The following HSD17B12 variants were observed in gnomAD, a reference collection of about 807,000 sequenced individuals.
The protein encoded by HSD17B12 is very-long-chain 3-oxoacyl-CoA reductase.
Under a neutral mutation model 39.3 loss-of-function variants are expected in HSD17B12, and 32 were observed. The ratio of observed to expected loss-of-function variants is 0.81; its 90% confidence interval spans 0.61 to 1.09. The LOEUF (loss-of-function observed/expected upper bound fraction) is 1.09. HSD17B12 is among the 50% of genes least tolerant of loss of function. The pLI, the probability that HSD17B12 is intolerant of heterozygous loss-of-function variation, is 0.00. For missense variants in HSD17B12, 342 were observed against 382.9 expected (o/e 0.89, Z 0.89); for synonymous variants, 150 against 146.7 (o/e 1.02, Z -0.16).
chr11:43,631,591 GTCTCTC>G, the HSD17B12 span, among the ~76,000 whole-genome samples: 244 of 138,974 alleles, frequency 1.8e-3, 2 homozygotes, highest in Non-Finnish European at 3.1e-3. Flanking sequence ...CTCTCTCTCT[GTCTCTC>G]TCTCTCTCTC....
chr11:43,623,842 G>C, the HSD17B12 span, among the ~76,000 whole-genome samples: 1 of 151,936 alleles, frequency 6.6e-6, no homozygotes, highest in Middle Eastern at 3.2e-3. Flanking sequence ...AATGTCACAA[G>C]ATTTCTGGAA....
the HSD17B12 span, among the ~76,000 whole-genome samples, chr11:43,642,360 GA>G: frequency 6.6e-6 from 1 of 151,508 alleles, no homozygotes; most frequent in Non-Finnish European, 1.5e-5. Flanking sequence ...TGGGTAAACT[GA>G]AAAGATCATA....
chr11:43,760,335 C>G (rs1950545483), intron 3 of HSD17B12, among the ~76,000 whole-genome samples: 1 of 152,172 alleles, frequency 6.6e-6, no homozygotes, highest in Admixed American at 6.5e-5. Flanking sequence ...TACATGTAAG[C>G]CACTGCGCCC....
Position 43,722,966 on chromosome 11 carries a change from C to T in HSD17B12, c.161-27945C>T, listed in dbSNP as rs371134047. Among the ~76,000 whole-genome samples, 42 of 152,172 alleles carry T rather than the reference C, an allele frequency of 2.8e-4. 1 individual carries two copies. In the East Asian group the frequency reaches 4.2e-3, roughly 15 times the overall value. Reference sequence around the variant, plus strand: ...GCAAAGATGCCCCTGGTTGCTGTGCCGTGAATAGACTAGTGGCCACAGGTG... The same window carrying T: ...GCAAAGATGCCCCTGGTTGCTGTGCTGTGAATAGACTAGTGGCCACAGGTG... On this transcript the variant is annotated intron_variant, in intron 1 of 10. Transcript: ENST00000278353.
chr11:43,625,242 A>G, the HSD17B12 span, among the ~76,000 whole-genome samples: 601 of 151,774 alleles, frequency 4.0e-3, 4 homozygotes, highest in Non-Finnish European at 6.8e-3. Context: ...CATTTATTAC[A>G]ATTTTGTAAT....
intron 3 of HSD17B12, among the ~76,000 whole-genome samples, chr11:43,775,156 C>A (rs11037622): frequency 6.6e-6 from 1 of 152,090 alleles, no homozygotes; most frequent in Non-Finnish European, 1.5e-5. Flanking sequence ...CCCAGTCTTA[C>A]AACTGCAAGA....
rs147522553 is a variant in HSD17B12, at chr11:43,764,841, C to T, written c.283+10720C>T. ...CTTATGGACAGCATAGAGTTGATCT[C>T]GCTTTTTTATCTAAATTGATGGTTT... On this transcript the variant is annotated intron_variant, in intron 3 of 10. Transcript: ENST00000278353. Among the ~76,000 whole-genome samples, 942 of 152,172 alleles carry T rather than the reference C, an allele frequency of 6.2e-3. 10 individuals are homozygous for T. Among genetic ancestry groups the T allele is most frequent in the African/African-American group, 0.021 (885 of 41,526 alleles).
At chr11:43,699,663 T>C (rs1949945019) in intron 1 of HSD17B12, among the ~76,000 whole-genome samples, 1 of 152,220 alleles carries the variant, frequency 6.6e-6, no homozygotes, top group African/African-American at 2.4e-5. Context: ...CCTATTTTAG[T>C]TTGGGTTCTC....
intron 1 of HSD17B12, among the ~76,000 whole-genome samples, chr11:43,699,377 T>C (rs1009564416): frequency 3.3e-5 from 5 of 152,188 alleles, no homozygotes; most frequent in Admixed American, 6.5e-5. Context: ...CTCATTTTTA[T>C]TTAAGCTAGA....
chr11:43,632,519 T>C, the HSD17B12 span, among the ~76,000 whole-genome samples: 107 of 152,366 alleles, frequency 7.0e-4, no homozygotes, highest in African/African-American at 2.3e-3. Context: ...TCTTCTTTCC[T>C]ACTTATGTAT....
intron 1 of HSD17B12, among the ~76,000 whole-genome samples, chr11:43,737,840 G>A (rs527497958): frequency 4.6e-5 from 7 of 152,216 alleles, no homozygotes; most frequent in South Asian, 4.1e-4. Flanking sequence ...TTGGGAGGCC[G>A]AGGCAGGTGG....
the HSD17B12 span, among the ~76,000 whole-genome samples, chr11:43,654,766 G>A: frequency 6.6e-6 from 1 of 152,058 alleles, no homozygotes; most frequent in African/African-American, 2.4e-5. Context: ...TCTCTGTTTT[G>A]GTACCAGTAC....
the HSD17B12 span, among the ~76,000 whole-genome samples, chr11:43,586,474 T>C: frequency 2.0e-5 from 3 of 152,210 alleles, no homozygotes; most frequent in African/African-American, 7.2e-5. Flanking sequence ...TTCTCTCCTC[T>C]GGGTGGCAGT....
At chr11:43,724,867 C>A (rs1950207155) in intron 1 of HSD17B12, among the ~76,000 whole-genome samples, 1 of 152,128 alleles carries the variant, frequency 6.6e-6, no homozygotes, top group South Asian at 2.1e-4. Context: ...TTCCTGCAAT[C>A]AAGAGAAACT....
At chr11:43,784,984 T>A (rs1950802490) in intron 3 of HSD17B12, among the ~76,000 whole-genome samples, 1 of 152,138 alleles carries the variant, frequency 6.6e-6, no homozygotes, top group Non-Finnish European at 1.5e-5. Context: ...CTTGAGGCAT[T>A]AACTTTTTTG....
chr11:43,563,739 G>A, the HSD17B12 span, among the ~76,000 whole-genome samples: 2 of 152,150 alleles, frequency 1.3e-5, no homozygotes, highest in East Asian at 1.9e-4. Context: ...GATGGCTTGA[G>A]CCTGGGAATT....
At chr11:43,632,649 G>A in the HSD17B12 span, among the ~76,000 whole-genome samples, 3 of 152,176 alleles carry the variant, frequency 2.0e-5, 1 homozygote, top group African/African-American at 7.2e-5. Flanking sequence ...AAAATATTGA[G>A]AAATGTCTTT....
At position 43,761,927 on chromosome 11, in the gene HSD17B12, C is replaced by G. The variant is rs983032490; in HGVS notation, c.283+7806C>G. Among the ~76,000 whole-genome samples the G allele has an allele frequency of 3.3e-5, 5 of 152,174 alleles. 1 individual carries two copies. Among genetic ancestry groups the G allele is most frequent in the Non-Finnish European group, 7.3e-5 (5 of 68,040 alleles). On this transcript the variant is annotated intron_variant, in intron 3 of 10. Coordinates refer to ENST00000278353, the MANE Select transcript of HSD17B12 (RefSeq NM_016142.3). ...CCAGATTTAAGGGGAGAGGAATAGA[C>G]TCTACCATTTGATAAGGGAGTGGCA...
chr11:43,687,154 G>A (rs910864485), intron 1 of HSD17B12, among the ~76,000 whole-genome samples: 2 of 152,180 alleles, frequency 1.3e-5, no homozygotes, highest in African/African-American at 4.8e-5. Context: ...TTTAAAAACA[G>A]TGCATCCTTT....
Sources: allele counts gnomAD v4.1 joint callset (sites outside exome capture counted in the v4.1 genomes callset), GRCh38; gene constraint gnomAD v4.1.1; transcripts MANE v1.5; gene names NCBI Gene and HGNC (gene_info 2026-07-23, HGNC 2026-07-21).